Variants in DHRS13 observed in about 807,000 individuals in gnomAD.
The protein encoded by DHRS13 is dehydrogenase/reductase SDR family member 13.
A neutral mutation model predicts 17.9 loss-of-function variants in DHRS13; 22 were observed. The ratio of observed to expected loss-of-function variants is 1.23; its 90% CI spans 0.88 to 1.75. The LOEUF (loss-of-function observed/expected upper bound fraction) is 1.75, where lower values mean the gene tolerates loss of function less well. DHRS13 is among the 40% of genes most tolerant of loss of function. The pLI is 0.00. For missense variants in DHRS13, 483 were observed against 519.9 expected, an observed-to-expected ratio of 0.93 and a Z score of 0.69; for synonymous variants, 206 against 220.4, an observed-to-expected ratio of 0.93 and a Z score of 0.58.
Position 28,898,741 on chromosome 17 carries a change from A to G in DHRS13, c.834T>C (p.Ser278=). The G allele has an allele frequency of 6.2e-7, 1 of 1,613,856 alleles. No individual in the cohort carries two copies. The highest frequency in any genetic ancestry group is 8.5e-7 in the Non-Finnish European group (1 of 1,179,912). ...CATGGCAGTTGGCAAAATATCTCCC[A>G]CTGAGGGGCTCGATGCCCTCTTGTA... ...CALQEGIEPL[S]GRYFANCHVE... is the part of the protein sequence containing the mutation. Residue 278 remains serine, a synonymous_variant, in exon 5 of 5, where the codon AGT becomes AGC. Coordinates refer to ENST00000378895, the MANE Select transcript of DHRS13 (RefSeq NM_144683.4).
chr17:28,899,059 A>C lies in DHRS13; in HGVS notation c.683-167T>G, dbSNP rs78162158. ...TCTTTAAAAAAAAAAACAACAACAA[A>C]AAAAATAGAACAGAGCTAGAAGAAC... On this transcript the variant is annotated intron_variant, in intron 4 of 4. Transcript: ENST00000378895. This position sits in a 1 kb window ranked among gnomAD's most constrained non-coding sequence, Gnocchi z 4.7. 143 of 605,254 alleles carry C rather than the reference A, an allele frequency of 2.4e-4. No homozygotes were observed. The highest frequency in any genetic ancestry group is 1.3e-3 in the Middle Eastern group (3 of 2,238). 37.5% of individuals were successfully genotyped at this position (605,254 alleles called of 1,614,324 possible).
chr17:28,901,507 AGGATGTCCAACCGTG>A lies in DHRS13; in HGVS notation c.341_355del (p.Pro114_Ile118del). The A allele has an allele frequency of 6.2e-7, 1 of 1,614,068 alleles. No homozygotes were observed. The highest frequency in any genetic ancestry group is 8.5e-7 in the Non-Finnish European group (1 of 1,179,994). On this transcript the variant is annotated inframe_deletion, in exon 3 of 5. Coordinates refer to ENST00000378895, the MANE Select transcript of DHRS13 (RefSeq NM_144683.4). The surrounding 1 kb of genome is among the most constrained non-coding windows in gnomAD (Gnocchi z 4.3). ...CTGCCCCTCACCGGCATTGTGGATG[AGGATGTCCAACCGTG>A]GCTCAGAGCTCAGAAAGGCAGTGGC... is the stretch of plus-strand genomic sequence containing the variant.
rs1177568583 is a variant in DHRS13, at chr17:28,897,837, T to G, written c.*604A>C. ...CTTCAGATACAGATGACCCCAGCCC[T>G]GCATCCGCCCGGAAGGCGTCCCCTT... On this transcript the variant is annotated 3_prime_UTR_variant, in exon 5 of 5. Transcript: ENST00000378895. The surrounding 1 kb of genome is among the most constrained non-coding windows in gnomAD (Gnocchi z 4.4). 1 of 282,336 alleles carries G rather than the reference T, an allele frequency of 3.5e-6. No individual in the cohort carries two copies. Among genetic ancestry groups the G allele is most frequent in the Non-Finnish European group, 6.5e-6 (1 of 153,606 alleles). The allele number at this position is 282,336 out of a possible 1,614,324, so 17.5% of individuals were successfully genotyped here. A position where few individuals can be genotyped will look rare whatever the true frequency, so the allele number is the denominator to read the frequency against.
intron 4 of DHRS13, among the ~76,000 whole-genome samples, chr17:28,900,365 C>T (rs939889264): frequency 5.9e-5 from 9 of 152,214 alleles, no homozygotes; most frequent in Admixed American, 5.2e-4. Flanking sequence ...CTCTCTTTTT[C>T]TGGGCATCTC....
At position 28,901,108 on chromosome 17, in the gene DHRS13, C is replaced by T. The variant is rs771801562; in HGVS notation, c.564G>A (p.Val188=). The change falls in exon 4 of 5, where the codon GTG becomes GTA. Residue 188 remains valine (V), a synonymous_variant. Transcript: ENST00000378895. This position sits in a 1 kb window ranked among gnomAD's most constrained non-coding sequence, Gnocchi z 4.3. ...ATGCCCGCAGCTCCTGCCGCCAGCC[C>T]ACCACTGGGCGGTCCAGGCGTTTGA... ...LDFKRLDRPV[V]GWRQELRAYA... The T allele has an allele frequency of 4.3e-6, 7 of 1,614,058 alleles. No individual in the cohort carries two copies. In the Admixed American group the frequency reaches 1.0e-4, roughly 23 times the overall value.
Position 28,901,947 on chromosome 17 carries a change from CTAT to C in DHRS13, c.247-334_247-332del. The C allele has an allele frequency of 1.7e-5, 4 of 235,736 alleles. No homozygotes were observed. The highest frequency in any genetic ancestry group is 3.3e-5 in the Non-Finnish European group (4 of 120,340). 14.6% of individuals were successfully genotyped at this position (235,736 alleles called of 1,614,324 possible). On this transcript the variant is annotated intron_variant, in intron 2 of 4. Coordinates refer to ENST00000378895, the MANE Select transcript of DHRS13 (RefSeq NM_144683.4). This position sits in a 1 kb window ranked among gnomAD's most constrained non-coding sequence, Gnocchi z 4.3. ...TCTAGCAGCACTGGGTAGGTACTTG[CTAT>C]TATTATTATCACCTCCTTTCCCCAT...
chr17:28,901,738 G>T lies in DHRS13; in HGVS notation c.247-122C>A. ...CTAAAATCTGCCCCTGTGTCTTAGA[G>T]TGTACTAGATAAGTGTGTGGATTCA... On this transcript the variant is annotated intron_variant, in intron 2 of 4. Coordinates refer to ENST00000378895, the MANE Select transcript of DHRS13 (RefSeq NM_144683.4). This position sits in a 1 kb window ranked among gnomAD's most constrained non-coding sequence, Gnocchi z 4.3. The T allele has an allele frequency of 6.8e-7, 1 of 1,472,434 alleles. No individual in the cohort carries two copies. The highest frequency in any genetic ancestry group is 9.1e-7 in the Non-Finnish European group (1 of 1,101,650). 91.2% of individuals were successfully genotyped at this position (1,472,434 alleles called of 1,614,324 possible). A position where few individuals can be genotyped will look rare whatever the true frequency, so the allele number is the denominator to read the frequency against.
rs764800917 is a variant in DHRS13, at chr17:28,898,633, C to G, written c.942G>C (p.Gly314=). ...WEASKRLAGL[G]PGEDAEPDED... Reference sequence around the variant, plus strand: ...CATCGGGTTCAGCATCCTCCCCAGGCCCAAGCCCTGCCAGCCTCTTGCTGG... The same window carrying G: ...CATCGGGTTCAGCATCCTCCCCAGGGCCAAGCCCTGCCAGCCTCTTGCTGG... The change falls in exon 5 of 5, where the codon GGG becomes GGC. Residue 314 remains glycine (G), a synonymous_variant. Transcript: ENST00000378895. 1.4e-5 allele frequency: 23 copies of G among 1,613,652 alleles called. No individual in the cohort carries two copies. The highest frequency in any genetic ancestry group is 2.5e-6 in the Non-Finnish European group (3 of 1,179,902).
At position 28,901,771 on chromosome 17, in the gene DHRS13, A is replaced by C. The variant is rs2039807870; in HGVS notation, c.247-155T>G. 1 of 1,322,030 alleles carries C rather than the reference A, an allele frequency of 7.6e-7. No homozygotes were observed. The highest frequency in any genetic ancestry group is 1.0e-6 in the Non-Finnish European group (1 of 996,088). 81.9% of individuals were successfully genotyped at this position (1,322,030 alleles called of 1,614,324 possible). Reference sequence around the variant, plus strand: ...GATAAGTGTGTGGATTCAAATCCTGACTTTGCCTTTTACTAAAGTGTGACC... The same window carrying C: ...GATAAGTGTGTGGATTCAAATCCTGCCTTTGCCTTTTACTAAAGTGTGACC... On this transcript the variant is annotated intron_variant, in intron 2 of 4. Coordinates refer to ENST00000378895, the MANE Select transcript of DHRS13 (RefSeq NM_144683.4). The surrounding 1 kb of genome is among the most constrained non-coding windows in gnomAD (Gnocchi z 4.3).
rs746856098 is a variant in DHRS13, at chr17:28,898,561, G to A, written c.1014C>T (p.Thr338=). ...AAACTGTGGGCTCCTCAGGGTGGGGGGTGCTTAGAGAAGATGGGGCCTCTG... is the reference window on the plus strand; with the variant it reads ...AAACTGTGGGCTCCTCAGGGTGGGGAGTGCTTAGAGAAGATGGGGCCTCTG... ...EDSEAPSSLS[T]PHPEEPTVSQ... is the part of the protein sequence containing the mutation. The change falls in exon 5 of 5, where the codon ACC becomes ACT. Residue 338 remains threonine (T), a synonymous_variant. Transcript: ENST00000378895. The A allele has an allele frequency of 1.9e-6, 3 of 1,612,064 alleles. No homozygotes were observed. Among genetic ancestry groups the A allele is most frequent in the African/African-American group, 1.3e-5 (1 of 74,742 alleles).
At position 28,899,055 on chromosome 17, in the gene DHRS13, A is replaced by C; in HGVS notation, c.683-163T>G. The C allele has an allele frequency of 1.1e-5, 7 of 612,054 alleles. No individual in the cohort carries two copies. Among genetic ancestry groups the C allele is most frequent in the East Asian group, 3.1e-5 (1 of 32,248 alleles). 37.9% of individuals were successfully genotyped at this position (612,054 alleles called of 1,614,324 possible). A position where few individuals can be genotyped will look rare whatever the true frequency, so the allele number is the denominator to read the frequency against. On this transcript the variant is annotated intron_variant, in intron 4 of 4. Transcript: ENST00000378895. This position sits in a 1 kb window ranked among gnomAD's most constrained non-coding sequence, Gnocchi z 4.7. ...TGTCTCTTTAAAAAAAAAAACAACAACAAAAAAAATAGAACAGAGCTAGAA... is the reference window on the plus strand; with the variant it reads ...TGTCTCTTTAAAAAAAAAAACAACACCAAAAAAAATAGAACAGAGCTAGAA...
intron 4 of DHRS13, among the ~76,000 whole-genome samples, chr17:28,900,684 A>G (rs1480144525): frequency 1.3e-5 from 2 of 152,192 alleles, no homozygotes; most frequent in African/African-American, 4.8e-5. Context: ...AGCTATCATC[A>G]TCATCATTAT....
chr17:28,902,786 G>T lies in DHRS13; in HGVS notation c.127+32C>A. The T allele has an allele frequency of 6.7e-7, 1 of 1,481,836 alleles. No individual in the cohort carries two copies. 91.8% of individuals were successfully genotyped at this position (1,481,836 alleles called of 1,614,324 possible). On this transcript the variant is annotated intron_variant, in intron 1 of 4. Coordinates refer to ENST00000378895, the MANE Select transcript of DHRS13 (RefSeq NM_144683.4). This position sits in a 1 kb window ranked among gnomAD's most constrained non-coding sequence, Gnocchi z 4.0. Reference sequence around the variant, plus strand: ...GCCCGGCCTCCTCTCCGCGCGCCCCGCCAGCTCGCACTCACCCGCCTCCGC... The same window carrying T: ...GCCCGGCCTCCTCTCCGCGCGCCCCTCCAGCTCGCACTCACCCGCCTCCGC...
chr17:28,902,684 C>T lies in DHRS13; in HGVS notation c.145G>A (p.Gly49Arg), dbSNP rs1370984670. ...AVVTGANSGI[G>R]KMTALELARR... ...GCCAGCTCCAGCGCCGTCATCTTTCCGATGCCGCTGTTGGCGCCTGCGGAC... is the reference window on the plus strand; with the variant it reads ...GCCAGCTCCAGCGCCGTCATCTTTCTGATGCCGCTGTTGGCGCCTGCGGAC... Residue 49 changes from glycine to arginine, a missense_variant, in exon 2 of 5, where the codon GGA becomes AGA. Coordinates refer to ENST00000378895, the MANE Select transcript of DHRS13 (RefSeq NM_144683.4). This position sits in a 1 kb window ranked among gnomAD's most constrained non-coding sequence, Gnocchi z 4.0. The T allele has an allele frequency of 1.4e-6, 2 of 1,389,856 alleles. No homozygotes were observed. Among genetic ancestry groups the T allele is most frequent in the Non-Finnish European group, 1.9e-6 (2 of 1,078,538 alleles). 86.1% of individuals were successfully genotyped at this position (1,389,856 alleles called of 1,614,324 possible).
At position 28,901,634 on chromosome 17, in the gene DHRS13, C is replaced by G. The variant is rs1220141489; in HGVS notation, c.247-18G>C. On this transcript the variant is annotated intron_variant, in intron 2 of 4. Transcript: ENST00000378895. The surrounding 1 kb of genome is among the most constrained non-coding windows in gnomAD (Gnocchi z 4.3). ...CCACTCTCCTGTGGAGAGGCAAGGG[C>G]TGGGCTTGTCACCAGGCATCTCTCT... is the stretch of plus-strand genomic sequence containing the variant. The G allele has an allele frequency of 6.2e-7, 1 of 1,612,646 alleles. No individual in the cohort carries two copies. The highest frequency in any genetic ancestry group is 8.5e-7 in the Non-Finnish European group (1 of 1,178,868).
chr17:28,898,796 CCT>C lies in DHRS13; in HGVS notation c.777_778del (p.Gly261CysfsTer59), dbSNP rs1405015966. The stretch of plus-strand genomic sequence containing the variant: ...ACAATACAGGGGTGTCTGGGCACCC[CCT>C]CTTGGTGCCCGGAGCACCAGCCAAG... On this transcript the variant is annotated frameshift_variant, in exon 5 of 5. Transcript: ENST00000378895. LOFTEE classifies it low-confidence loss of function (END_TRUNC). The C allele has an allele frequency of 1.9e-6, 3 of 1,611,436 alleles. No homozygotes were observed. The highest frequency in any genetic ancestry group is 2.5e-6 in the Non-Finnish European group (3 of 1,179,022).
rs771890338 is a variant in DHRS13 at position 28,901,547 on chromosome 17, C to A, written c.316G>T (p.Ala106Ser). 11 of 1,614,222 alleles carry A rather than the reference C, an allele frequency of 6.8e-6. No individual in the cohort carries two copies. Among genetic ancestry groups the A allele is most frequent in the Non-Finnish European group, 8.5e-6 (10 of 1,180,034 alleles). The part of the protein sequence containing the change: ...LASLASVRAF[A>S]TAFLSSEPRL... Reference sequence around the variant, plus strand: ...GGCTCAGAGCTCAGAAAGGCAGTGGCAAAGGCCCGCACCGAGGCCAGACTG... The same window carrying A: ...GGCTCAGAGCTCAGAAAGGCAGTGGAAAAGGCCCGCACCGAGGCCAGACTG... Residue 106 changes from alanine (A) to serine (S), a missense_variant, in exon 3 of 5, where the codon GCC (alanine) becomes TCC (serine). Coordinates refer to ENST00000378895, the MANE Select transcript of DHRS13 (RefSeq NM_144683.4). The surrounding 1 kb of genome is among the most constrained non-coding windows in gnomAD (Gnocchi z 4.3).
At position 28,902,084 on chromosome 17, in the gene DHRS13, T is replaced by G. The variant is rs2039810494; in HGVS notation, c.247-468A>C. 1 of 174,478 alleles carries G rather than the reference T, an allele frequency of 5.7e-6. No individual in the cohort carries two copies. The highest frequency in any genetic ancestry group is 5.7e-5 in the Admixed American group (1 of 17,418). The allele number at this position is 174,478 out of a possible 1,614,324, so 10.8% of individuals were successfully genotyped here. Reference sequence around the variant, plus strand: ...CAAAGGAGTTCCTTCCAAAGGCTATTCTGACAGTCCGGAGCCTACTGAGGG... The same window carrying G: ...CAAAGGAGTTCCTTCCAAAGGCTATGCTGACAGTCCGGAGCCTACTGAGGG... On this transcript the variant is annotated intron_variant, in intron 2 of 4. Transcript: ENST00000378895. The surrounding 1 kb of genome is among the most constrained non-coding windows in gnomAD (Gnocchi z 4.0).
chr17:28,900,380 G>C (rs533140390), intron 4 of DHRS13, among the ~76,000 whole-genome samples: 5 of 152,318 alleles, frequency 3.3e-5, no homozygotes, highest in African/African-American at 1.2e-4. Context: ...CATCTCCCCA[G>C]TGAGCCATGT....
Sources: gnomAD v4.1 joint callset for allele counts (sites outside exome capture counted in the v4.1 genomes callset) on GRCh38, gnomAD v4.1.1 for gene constraint, Gnocchi (gnomAD v3.1) non-coding constraint, MANE v1.5 for transcripts, NCBI Gene and HGNC (gene_info 2026-07-23, HGNC 2026-07-21) for gene names.